Variants in KIRREL3 observed in about 807,000 individuals in gnomAD.
The protein encoded by KIRREL3 is kin of IRRE-like protein 3.
A neutral mutation model predicts 89.7 loss-of-function variants in KIRREL3; 36 were observed. That is an observed-to-expected ratio of 0.40 (90% CI 0.31 to 0.53). The LOEUF (loss-of-function observed/expected upper bound fraction) is 0.53. KIRREL3 is among the 20% of genes least tolerant of loss of function. The pLI is 0.49. For synonymous variants in KIRREL3, 445 were observed against 441.4 expected (o/e 1.01, Z -0.10); for missense variants, 864 against 1,056.6 (o/e 0.82, Z 2.53).
chr11:126,849,676 C>T lies in KIRREL3; in HGVS notation c.55+150779G>A, dbSNP rs186104452. 1.9e-3 allele frequency among the ~76,000 whole-genome samples: 283 copies of T among 152,188 alleles called. 1 individual carries two copies. The highest frequency in any genetic ancestry group is 5.3e-3 in the African/African-American group (222 of 41,542). On this transcript the variant is annotated intron_variant, in intron 1 of 16. Transcript: ENST00000525144. ...TAGTCACAGACATTTGACTAAAGGG[C>T]GGTGGGGAGAACGGGCACTTGATGG...
At position 126,516,470 on chromosome 11, in the gene KIRREL3, G is replaced by T. The variant is rs866274482; in HGVS notation, c.433+4845C>A. ...CAATGCAATTTATGGTTTAATCCGT[G>T]CATCACTTATCGACCGCCTTCTCTC... is the stretch of plus-strand genomic sequence containing the variant. On this transcript the variant is annotated intron_variant, in intron 4 of 16. Transcript: ENST00000525144. The surrounding 1 kb of genome is among the most constrained non-coding windows in gnomAD (Gnocchi z 4.9). Among the ~76,000 whole-genome samples, 7 of 152,136 alleles carry T rather than the reference G, an allele frequency of 4.6e-5. No homozygotes were observed. Among genetic ancestry groups the T allele is most frequent in the African/African-American group, 1.7e-4 (7 of 41,404 alleles).
At chr11:126,581,190 G>A (rs1244206230) in intron 1 of KIRREL3, among the ~76,000 whole-genome samples, 1 of 152,078 alleles carries the variant, frequency 6.6e-6, no homozygotes, top group African/African-American at 2.4e-5. Context: ...GGGGGGTTTA[G>A]AGCTGGTCAC....
At chr11:126,506,230 A>G (rs796079962) in intron 4 of KIRREL3, among the ~76,000 whole-genome samples, 53 of 131,074 alleles carry the variant, frequency 4.0e-4, no homozygotes, top group African/African-American at 1.7e-3. Context: ...TCAAAAACAC[A>G]ATCTATAAGA....
chr11:126,730,172 G>T (rs1338660865), intron 1 of KIRREL3, among the ~76,000 whole-genome samples: 1 of 152,082 alleles, frequency 6.6e-6, no homozygotes, highest in Non-Finnish European at 1.5e-5. Context: ...TTTACATCAC[G>T]TCTCCACTTA....
rs1248212809 is a variant in KIRREL3, at chr11:126,612,189, T to A, written c.56-49277A>T. 6.6e-6 allele frequency among the ~76,000 whole-genome samples: 1 copy of A among 152,182 alleles called. No individual in the cohort carries two copies. The highest frequency in any genetic ancestry group is 1.5e-5 in the Non-Finnish European group (1 of 68,030). On this transcript the variant is annotated intron_variant, in intron 1 of 16. Transcript: ENST00000525144. This position sits in a 1 kb window ranked among gnomAD's most constrained non-coding sequence, Gnocchi z 4.5. ...TTATATGAACACCCCTGGCATATAATAAGTGCTCCCTCAGAATTTGAGTAT... is the reference window on the plus strand; with the variant it reads ...TTATATGAACACCCCTGGCATATAAAAAGTGCTCCCTCAGAATTTGAGTAT...
rs1946692822 is a variant in KIRREL3, at chr11:126,687,079, A to G, written c.56-124167T>C. ...TGCAAGTGTGGTTGGGGCCAAGACC[A>G]CAACACGTGTTCAAGGTATGTCTAA... On this transcript the variant is annotated intron_variant, in intron 1 of 16. Transcript: ENST00000525144. The surrounding 1 kb of genome is among the most constrained non-coding windows in gnomAD (Gnocchi z 4.6). Among the ~76,000 whole-genome samples, 1 of 152,218 alleles carries G rather than the reference A, an allele frequency of 6.6e-6. No homozygotes were observed. Among genetic ancestry groups the G allele is most frequent in the African/African-American group, 2.4e-5 (1 of 41,446 alleles).
intron 1 of KIRREL3, among the ~76,000 whole-genome samples, chr11:126,958,089 T>A (rs577755720): frequency 6.6e-6 from 1 of 152,326 alleles, no homozygotes; most frequent in Non-Finnish European, 1.5e-5. Flanking sequence ...AAAGGGTTAC[T>A]AAAAGAGTTA....
chr11:126,830,034 AAAAT>A lies in KIRREL3; in HGVS notation c.55+170417_55+170420del, dbSNP rs1197379764. Among the ~76,000 whole-genome samples the A allele has an allele frequency of 4.6e-5, 7 of 152,204 alleles. No homozygotes were observed. The highest frequency in any genetic ancestry group is 1.7e-4 in the African/African-American group (7 of 41,454). Reference sequence around the variant, plus strand: ...TCCAGACTAAACCTTTCAAGGTACAAAAATAAATCCAAGAGTATGGCATTAATAG... The same window carrying A: ...TCCAGACTAAACCTTTCAAGGTACAAAAATCCAAGAGTATGGCATTAATAG... On this transcript the variant is annotated intron_variant, in intron 1 of 16. Coordinates refer to ENST00000525144, the MANE Select transcript of KIRREL3 (RefSeq NM_032531.4). The surrounding 1 kb of genome is among the most constrained non-coding windows in gnomAD (Gnocchi z 4.9).
chr11:126,975,916 C>T (rs1949557893), intron 1 of KIRREL3, among the ~76,000 whole-genome samples: 1 of 74,458 alleles, frequency 1.3e-5, no homozygotes, highest in African/African-American at 5.9e-5. Context: ...TCCTCCCTCC[C>T]TTCCTCCCTC....
At position 126,605,427 on chromosome 11, in the gene KIRREL3, G is replaced by A. The variant is rs184343809; in HGVS notation, c.56-42515C>T. On this transcript the variant is annotated intron_variant, in intron 1 of 16. Coordinates refer to ENST00000525144, the MANE Select transcript of KIRREL3 (RefSeq NM_032531.4). This position sits in a 1 kb window ranked among gnomAD's most constrained non-coding sequence, Gnocchi z 5.7. ...TTTGAGGCTCAGGGGGAGGAGTCCT[G>A]CGGTGACTGCTGTGAAGTGGTGTGG... Among the ~76,000 whole-genome samples, 136 of 152,254 alleles carry A rather than the reference G, an allele frequency of 8.9e-4. No individual in the cohort carries two copies. Among genetic ancestry groups the A allele is most frequent in the African/African-American group, 3.2e-3 (131 of 41,556 alleles).
At position 126,996,800 on chromosome 11, in the gene KIRREL3, T is replaced by C. The variant is rs1238591012; in HGVS notation, c.55+3655A>G. ...GCCATTAACAGGTAAATGCAAGTTTTCACTTTTACCCCAATACAGTACAGT... is the reference window on the plus strand; with the variant it reads ...GCCATTAACAGGTAAATGCAAGTTTCCACTTTTACCCCAATACAGTACAGT... On this transcript the variant is annotated intron_variant, in intron 1 of 16. Coordinates refer to ENST00000525144, the MANE Select transcript of KIRREL3 (RefSeq NM_032531.4). This position sits in a 1 kb window ranked among gnomAD's most constrained non-coding sequence, Gnocchi z 4.7. 6.6e-6 allele frequency among the ~76,000 whole-genome samples: 1 copy of C among 152,184 alleles called. No individual in the cohort carries two copies. Among genetic ancestry groups the C allele is most frequent in the East Asian group, 1.9e-4 (1 of 5,184 alleles).
chr11:126,863,329 GTGGGGAGGTGGGCA>G (rs1361261029), intron 1 of KIRREL3, among the ~76,000 whole-genome samples: 1 of 150,808 alleles, frequency 6.6e-6, no homozygotes, highest in African/African-American at 2.4e-5. Flanking sequence ...GTATGAATAT[GTGGGGAGGTGGGCA>G]TGGGTGCATG....
At chr11:126,880,667 T>C (rs1252334710) in intron 1 of KIRREL3, among the ~76,000 whole-genome samples, 1 of 147,420 alleles carries the variant, frequency 6.8e-6, no homozygotes, top group Non-Finnish European at 1.5e-5. Context: ...GCTCAGCCAA[T>C]ATAATGCACT....
rs1020311998 is a variant in KIRREL3, at chr11:126,796,154, T to C, written c.55+204301A>G. Among the ~76,000 whole-genome samples the C allele has an allele frequency of 5.3e-5, 8 of 152,048 alleles. No individual in the cohort carries two copies. The highest frequency in any genetic ancestry group is 1.0e-4 in the Non-Finnish European group (7 of 68,016). The stretch of plus-strand genomic sequence containing the variant: ...ATAAAGTTGGAATCCTGAACATTCT[T>C]TTCAGTCTCTAGAGGTCATGAAGGG... On this transcript the variant is annotated intron_variant, in intron 1 of 16. Coordinates refer to ENST00000525144, the MANE Select transcript of KIRREL3 (RefSeq NM_032531.4). This position sits in a 1 kb window ranked among gnomAD's most constrained non-coding sequence, Gnocchi z 5.1.
rs961735276 is a variant in KIRREL3 at position 126,796,488 on chromosome 11, T to C, written c.55+203967A>G. Among the ~76,000 whole-genome samples the C allele has an allele frequency of 2.0e-5, 3 of 152,120 alleles. No individual in the cohort carries two copies. The South Asian group carries it at 6.2e-4, about 32-fold the overall frequency. On this transcript the variant is annotated intron_variant, in intron 1 of 16. Transcript: ENST00000525144. This position sits in a 1 kb window ranked among gnomAD's most constrained non-coding sequence, Gnocchi z 5.1. ...CCTTAAATATAGCAAGTTACTTGAATGGTGCGATTTGAAAAGCCTCCAGTA... is the reference window on the plus strand; with the variant it reads ...CCTTAAATATAGCAAGTTACTTGAACGGTGCGATTTGAAAAGCCTCCAGTA...
chr11:126,687,219 A>AGCT lies in KIRREL3; in HGVS notation c.56-124310_56-124308dup, dbSNP rs1946698840. On this transcript the variant is annotated intron_variant, in intron 1 of 16. Transcript: ENST00000525144. The surrounding 1 kb of genome is among the most constrained non-coding windows in gnomAD (Gnocchi z 4.6). Reference sequence around the variant, plus strand: ...GAGCCCTGCCTTGCGCCAGGCAGTGAGCTAGTCCTTATTTTCACACCTGGC... The same window carrying AGCT: ...GAGCCCTGCCTTGCGCCAGGCAGTGAGCTGCTAGTCCTTATTTTCACACCTGGC... Among the ~76,000 whole-genome samples the AGCT allele has an allele frequency of 6.6e-6, 1 of 152,174 alleles. No homozygotes were observed. Among genetic ancestry groups the AGCT allele is most frequent in the Non-Finnish European group, 1.5e-5 (1 of 68,018 alleles).
At chr11:126,436,751 G>A in intron 12 of KIRREL3, 60 bp downstream of exon 12, 3 of 1,579,500 alleles carry the variant, frequency 1.9e-6, no homozygotes, top group Non-Finnish European at 1.7e-6. Flanking sequence ...TGACCTAGGT[G>A]AGGAGAGGGC....
At chr11:126,536,044 G>A (rs915257990) in intron 2 of KIRREL3, among the ~76,000 whole-genome samples, 2 of 151,904 alleles carry the variant, frequency 1.3e-5, no homozygotes, top group African/African-American at 2.4e-5. Flanking sequence ...CCTGGGAGGC[G>A]GAGGTTGCAG....
chr11:126,663,564 A>C (rs1368095540), intron 1 of KIRREL3, among the ~76,000 whole-genome samples: 2 of 152,168 alleles, frequency 1.3e-5, no homozygotes, highest in Admixed American at 6.5e-5. Context: ...AGAGGGATCC[A>C]CTTGTCATAA....
Sources: gnomAD v4.1 joint callset for allele counts (sites outside exome capture counted in the v4.1 genomes callset) on GRCh38, gnomAD v4.1.1 for gene constraint, Gnocchi (gnomAD v3.1) non-coding constraint, MANE v1.5 for transcripts, NCBI Gene and HGNC (gene_info 2026-07-23, HGNC 2026-07-21) for gene names.